KIFBP: variants seen among roughly 807,000 people sequenced by gnomAD.
KIFBP encodes the protein kinesin family binding protein.
In KIFBP, 46 loss-of-function variants were observed where a neutral mutation model predicts 58.9. The ratio of observed to expected loss-of-function variants is 0.78; its 90% CI spans 0.62 to 1.00. The LOEUF is 1.00. KIFBP is among the 50% of genes least tolerant of loss of function. The pLI is 0.00. For synonymous variants in KIFBP, 241 were observed against 283.4 expected, an observed-to-expected ratio of 0.85 and a Z score of 1.50; for missense variants, 651 against 752.9, an observed-to-expected ratio of 0.86 and a Z score of 1.58.
In KIFBP at chr10:68,989,172, G is replaced by A. The variant is rs1262056242; in HGVS notation, c.340G>A (p.Gly114Arg). The A allele has an allele frequency of 1.2e-6, 2 of 1,613,624 alleles. No homozygotes were observed. Among genetic ancestry groups the A allele is most frequent in the African/African-American group, 1.3e-5 (1 of 74,954 alleles). ...NHIDTEELSA[G>R]EEHLVKCLRL... ...CATCGACACGGAGGAGCTGTCGGCGGGGGAGGAGCACCTGGTGAAATGCCT... is the reference window on the plus strand; with the variant it reads ...CATCGACACGGAGGAGCTGTCGGCGAGGGAGGAGCACCTGGTGAAATGCCT... The change falls in exon 1 of 7, where the codon GGG becomes AGG. Residue 114 changes from glycine to arginine, a missense_variant. By Grantham distance (125) the Gly-to-Arg change is moderately radical. Coordinates refer to ENST00000361983, the MANE Select transcript of KIFBP (RefSeq NM_015634.4).
At chr10:69,014,075 T>G (rs921688873) in intron 6 of KIFBP, among the ~76,000 whole-genome samples, 2 of 152,208 alleles carry the variant, frequency 1.3e-5, no homozygotes, top group African/African-American at 4.8e-5. Context: ...TAACCTTAAC[T>G]TCATCCTTTA....
rs572621592 is a variant in KIFBP at position 69,015,068 on chromosome 10, G to A, written c.991-473G>A. 1.2e-4 allele frequency among the ~76,000 whole-genome samples: 18 copies of A among 152,120 alleles called. No individual in the cohort carries two copies. In the East Asian group the frequency reaches 2.1e-3, roughly 18 times the overall value. ...CTCTCAAGTAGCTGGGATTACAGGC[G>A]CCTGCCACCATGCCTGGCTAATTTT... On this transcript the variant is annotated intron_variant, in intron 6 of 6. Coordinates refer to ENST00000361983, the MANE Select transcript of KIFBP (RefSeq NM_015634.4).
At chr10:69,001,375 T>C (rs928872284) in intron 2 of KIFBP, among the ~76,000 whole-genome samples, 1 of 152,200 alleles carries the variant, frequency 6.6e-6, no homozygotes, top group African/African-American at 2.4e-5. Flanking sequence ...GTTTCCTTAA[T>C]AAACTTTTTT....
intron 2 of KIFBP, 86 bp downstream of exon 2, chr10:69,000,608 G>A: frequency 2.2e-6 from 2 of 910,502 alleles, no homozygotes; most frequent in South Asian, 2.6e-5. Context: ...TAATATTGGT[G>A]TGACTCTTCA....
chr10:69,011,247 A>G, intron 6 of KIFBP: 1 of 469,976 alleles, frequency 2.1e-6, no homozygotes, highest in East Asian at 4.1e-5. Flanking sequence ...AGCCTGGGCA[A>G]CAGAGCGAGA....
intron 1 of KIFBP, 104 bp downstream of exon 1, chr10:68,989,362 C>G: frequency 7.7e-7 from 1 of 1,305,658 alleles, no homozygotes; most frequent in South Asian, 1.2e-5. Context: ...GCAATTCGTC[C>G]CCACGTTTTT....
intron 6 of KIFBP, among the ~76,000 whole-genome samples, chr10:69,014,188 T>C (rs1843622072): frequency 6.6e-6 from 1 of 152,228 alleles, no homozygotes; most frequent in East Asian, 1.9e-4. Context: ...GTGCTAGTCA[T>C]TGGCCAAGGA....
chr10:68,998,775 T>A (rs868499214), intron 1 of KIFBP, among the ~76,000 whole-genome samples: 14,324 of 71,094 alleles, frequency 0.2, 662 homozygotes, highest in African/African-American at 0.23. Context: ...ATATATATTT[T>A]TTTTTTTTTT....
chr10:68,989,897 C>A (rs1010222998), intron 1 of KIFBP: 2 of 152,822 alleles, frequency 1.3e-5, no homozygotes, highest in Admixed American at 1.3e-4. Flanking sequence ...GGGGGTCTCA[C>A]TATATTGCCC....
chr10:69,003,662 A>G (rs72803517), intron 2 of KIFBP, among the ~76,000 whole-genome samples: 17,351 of 152,280 alleles, frequency 0.11, 1,300 homozygotes, highest in Middle Eastern at 0.26. Context: ...ATGACTAAAC[A>G]GAAGCACAAG....
intron 6 of KIFBP, among the ~76,000 whole-genome samples, chr10:69,011,768 G>A (rs12245246): frequency 0.041 from 5,523 of 136,270 alleles, 348 homozygotes; most frequent in African/African-American, 0.14. Context: ...GATCGCAGCT[G>A]CAACCTCTGC....
At chr10:68,989,366 C>A in intron 1 of KIFBP, 108 bp downstream of exon 1, 4 of 1,247,584 alleles carry the variant, frequency 3.2e-6, no homozygotes, top group Non-Finnish European at 4.5e-6. Context: ...TTCGTCCCCA[C>A]GTTTTTGTAG....
intron 1 of KIFBP, among the ~76,000 whole-genome samples, chr10:68,999,486 T>C (rs1843441463): frequency 6.6e-6 from 1 of 152,098 alleles, no homozygotes; most frequent in African/African-American, 2.4e-5. Flanking sequence ...TTGTCTATTA[T>C]CTCAGAATCT....
At chr10:69,004,803 C>T (rs528644713) in intron 2 of KIFBP, among the ~76,000 whole-genome samples, 1 of 151,998 alleles carries the variant, frequency 6.6e-6, no homozygotes, top group South Asian at 2.1e-4. Context: ...GATCGGGAGA[C>T]GGAGGTTACA....
chr10:68,989,431 G>A (rs1843316832), intron 1 of KIFBP, 173 bp downstream of exon 1: 1 of 700,928 alleles, frequency 1.4e-6, no homozygotes, highest in African/African-American at 1.8e-5. Flanking sequence ...CAGTCTTATG[G>A]ACTTATTGCC....
intron 3 of KIFBP, 72 bp from the exon 4 acceptor site, chr10:69,005,660 G>A (rs1315732187): frequency 1.0e-5 from 12 of 1,193,770 alleles, no homozygotes; most frequent in African/African-American, 7.6e-5. Flanking sequence ...GCAACAGAGC[G>A]AGACTCTGTC....
intron 5 of KIFBP, among the ~76,000 whole-genome samples, 184 bp from the exon 6 acceptor site, chr10:69,010,716 T>C (rs1408971993): frequency 6.6e-6 from 1 of 152,142 alleles, no homozygotes; most frequent in Non-Finnish European, 1.5e-5. Flanking sequence ...GCAAAAATAA[T>C]AGTGAGTGCT....
At chr10:68,998,814 A>T in intron 1 of KIFBP, among the ~76,000 whole-genome samples, 1 of 126,670 alleles carries the variant, frequency 7.9e-6, no homozygotes, top group African/African-American at 2.9e-5. Flanking sequence ...CTCAATCTGT[A>T]GCCCAGGCTG....
In KIFBP at chr10:68,988,821, G is replaced by GT; in HGVS notation, c.-11dup. 1 of 1,614,282 alleles carries GT rather than the reference G, an allele frequency of 6.2e-7. No homozygotes were observed. The highest frequency in any genetic ancestry group is 8.5e-7 in the Non-Finnish European group (1 of 1,180,048). ...TGCAAACATTGAGGAAAGCCAGGCA[G>GT]TAGAGGCCGCTATGGCGAACGTTCC... On this transcript the variant is annotated 5_prime_UTR_variant, in exon 1 of 7. Coordinates refer to ENST00000361983, the MANE Select transcript of KIFBP (RefSeq NM_015634.4).
Sources: allele counts gnomAD v4.1 joint callset (sites outside exome capture counted in the v4.1 genomes callset), GRCh38; gene constraint gnomAD v4.1.1; transcripts MANE v1.5; gene names NCBI Gene and HGNC (gene_info 2026-07-23, HGNC 2026-07-21).